Variants in ZBTB2 observed in about 807,000 individuals in gnomAD.
ZBTB2 encodes zinc finger and BTB domain-containing protein 2.
A neutral mutation model predicts 39.5 loss-of-function variants in ZBTB2; 2 were observed. The observed-to-expected ratio is 0.05, with a 90% CI of 0.02 to 0.16. The LOEUF (loss-of-function observed/expected upper bound fraction) is 0.16, where lower values mean the gene tolerates loss of function less well. Ranked by LOEUF, ZBTB2 falls within the 10% of genes least tolerant of loss-of-function variation. ZBTB2 has a pLI of 1.00. For missense variants in ZBTB2, 391 were observed against 653.0 expected (o/e 0.60, Z 4.37); for synonymous variants, 251 against 256.6 (o/e 0.98, Z 0.21).
chr6:151,370,885 T>C (rs2114856900), intron 2 of ZBTB2, among the ~76,000 whole-genome samples: 1 of 152,352 alleles, frequency 6.6e-6, no homozygotes, highest in Non-Finnish European at 1.5e-5. Flanking sequence ...GGTGCAGTAA[T>C]ACACCTGTTG....
intron 2 of ZBTB2, among the ~76,000 whole-genome samples, chr6:151,370,474 T>C (rs745630008): frequency 1.3e-5 from 2 of 152,238 alleles, no homozygotes; most frequent in Non-Finnish European, 2.9e-5. Flanking sequence ...TTAAAAGAAA[T>C]GATAGGCTTA....
intron 1 of ZBTB2, among the ~76,000 whole-genome samples, chr6:151,385,736 T>A (rs1779136125): frequency 6.6e-6 from 1 of 152,212 alleles, no homozygotes; most frequent in Non-Finnish European, 1.5e-5. Context: ...TTCTTTCAAG[T>A]AGTTTAGACC....
chr6:151,373,377 T>TAGAG (rs1244821525), intron 2 of ZBTB2, 88 bp downstream of exon 2: 1 of 1,460,058 alleles, frequency 6.8e-7, no homozygotes, highest in African/African-American at 1.4e-5. Context: ...CTAGGAGACG[T>TAGAG]AGAGAGACCC....
At chr6:151,388,534 T>C (rs1161694895) in intron 1 of ZBTB2, among the ~76,000 whole-genome samples, 1 of 152,170 alleles carries the variant, frequency 6.6e-6, no homozygotes, top group African/African-American at 2.4e-5. Context: ...GTGAATACAT[T>C]TTCTTTTCTT....
At chr6:151,380,670 G>A (rs542377410) in intron 1 of ZBTB2, among the ~76,000 whole-genome samples, 24 of 152,154 alleles carry the variant, frequency 1.6e-4, no homozygotes, top group African/African-American at 3.1e-4. Flanking sequence ...TCTTCCTCCC[G>A]CTCTGATAAA....
At chr6:151,373,784 C>G in intron 1 of ZBTB2, 135 bp from the exon 2 acceptor site, 1 of 469,070 alleles carries the variant, frequency 2.1e-6, no homozygotes, top group South Asian at 2.2e-5. Context: ...AAACGTTACA[C>G]AGATTAACTC....
intron 1 of ZBTB2, among the ~76,000 whole-genome samples, chr6:151,376,840 G>C (rs999612789): frequency 6.6e-6 from 1 of 152,264 alleles, no homozygotes; most frequent in South Asian, 2.1e-4. Flanking sequence ...CTGCACTCCT[G>C]GACGTTTATC....
chr6:151,375,105 G>A (rs1287594838), intron 1 of ZBTB2, among the ~76,000 whole-genome samples: 1 of 151,962 alleles, frequency 6.6e-6, no homozygotes, highest in Non-Finnish European at 1.5e-5. Context: ...GGGTGACACA[G>A]CGAGACTCCA....
At chr6:151,391,011 C>G (rs1308211568) in intron 1 of ZBTB2, among the ~76,000 whole-genome samples, 1 of 143,378 alleles carries the variant, frequency 7.0e-6, no homozygotes, top group Non-Finnish European at 1.5e-5. Flanking sequence ...CCCCCCTCCC[C>G]TTCCTCCCTC....
chr6:151,386,318 G>A (rs1002610132), intron 1 of ZBTB2, among the ~76,000 whole-genome samples: 29 of 152,190 alleles, frequency 1.9e-4, no homozygotes, highest in African/African-American at 5.1e-4. Flanking sequence ...GCCAAGGCGG[G>A]CAGATCACTT....
intron 1 of ZBTB2, among the ~76,000 whole-genome samples, chr6:151,379,570 G>A (rs1173505315): frequency 2.0e-5 from 3 of 150,062 alleles, no homozygotes; most frequent in African/African-American, 4.9e-5. Context: ...TGAGCCCAGA[G>A]GGTTGAGGCT....
At chr6:151,381,065 C>T (rs1010609806) in intron 1 of ZBTB2, among the ~76,000 whole-genome samples, 2 of 152,176 alleles carry the variant, frequency 1.3e-5, no homozygotes, top group Non-Finnish European at 2.9e-5. Flanking sequence ...CTCCTCACAT[C>T]AGCCCCCAAT....
In ZBTB2 at chr6:151,366,330, T is replaced by C; in HGVS notation, c.736A>G (p.Arg246Gly). The part of the protein sequence containing the change: ...IAHVKPSIMK[R>G]NGSFPKYYAC... ...TAGTACTTTGGAAAGCTCCCATTCCTCTTCATGATGCTTGGCTTGACGTGG... is the reference window on the plus strand; with the variant it reads ...TAGTACTTTGGAAAGCTCCCATTCCCCTTCATGATGCTTGGCTTGACGTGG... The change falls in exon 3 of 3, where the codon AGG (arginine) becomes GGG (glycine). Residue 246 changes from arginine (R) to glycine (G), a missense_variant. Around this residue, in one of 7 missense-constraint regions of ZBTB2, gnomAD observed 175 missense variants for 198.6 expected, o/e 0.88. Transcript: ENST00000325144. The surrounding 1 kb of genome is among the most constrained non-coding windows in gnomAD (Gnocchi z 7.1). The C allele has an allele frequency of 6.2e-7, 1 of 1,614,128 alleles. No homozygotes were observed. The highest frequency in any genetic ancestry group is 8.5e-7 in the Non-Finnish European group (1 of 1,180,020).
Position 151,366,755 on chromosome 6 carries a change from G to A in ZBTB2, c.311C>T (p.Ala104Val). 1 of 1,614,136 alleles carries A rather than the reference G, an allele frequency of 6.2e-7. No homozygotes were observed. The highest frequency in any genetic ancestry group is 8.5e-7 in the Non-Finnish European group (1 of 1,180,026). Residue 104 changes from alanine to valine, a missense_variant, in exon 3 of 3, where the codon GCC (alanine) becomes GTC (valine). Physicochemically the swap from Ala to Val is moderately conservative, Grantham distance 64 (BLOSUM62 0). Coordinates refer to ENST00000325144, the MANE Select transcript of ZBTB2 (RefSeq NM_020861.3). The surrounding 1 kb of genome is among the most constrained non-coding windows in gnomAD (Gnocchi z 7.1). ...GCTGGCTTCCTGAATGAGCGGGTAG[G>A]CGTGCAGAAACTTGATGCCCTGTTC... Reference protein sequence around the residue: ...RLEQGIKFLHAYPLIQEASLA... With the variant: ...RLEQGIKFLHVYPLIQEASLA...
chr6:151,382,927 A>ATT (rs202174921), intron 1 of ZBTB2, among the ~76,000 whole-genome samples: 5 of 141,694 alleles, frequency 3.5e-5, no homozygotes, highest in Non-Finnish European at 4.7e-5. Flanking sequence ...GTTGTATCTA[A>ATT]TTTTTTTTTT....
At chr6:151,383,669 G>C (rs1236281930) in intron 1 of ZBTB2, among the ~76,000 whole-genome samples, 1 of 151,996 alleles carries the variant, frequency 6.6e-6, no homozygotes, top group Non-Finnish European at 1.5e-5. Context: ...TAGGGGAGAG[G>C]GGTCCCATCT....
intron 1 of ZBTB2, among the ~76,000 whole-genome samples, chr6:151,390,720 G>A (rs1436468547): frequency 1.3e-5 from 2 of 151,898 alleles, no homozygotes; most frequent in Non-Finnish European, 1.5e-5. Context: ...AGAAGCGCCA[G>A]AGAGGCCGGG....
At chr6:151,379,218 T>A (rs1778980625) in intron 1 of ZBTB2, among the ~76,000 whole-genome samples, 1 of 152,232 alleles carries the variant, frequency 6.6e-6, no homozygotes, top group African/African-American at 2.4e-5. Context: ...CAATATGGCT[T>A]TTTTACTTTG....
In ZBTB2 at chr6:151,365,049, C is replaced by CA. The variant is rs1778613175; in HGVS notation, c.*471_*472insT. ...ACACCTGGAGGATGAATACTAAGAA[C>CA]GTTTTCTTGGGTTTAAAGTTTCCCC... On this transcript the variant is annotated 3_prime_UTR_variant, in exon 3 of 3. Coordinates refer to ENST00000325144, the MANE Select transcript of ZBTB2 (RefSeq NM_020861.3). This position sits in a 1 kb window ranked among gnomAD's most constrained non-coding sequence, Gnocchi z 5.6. 1 of 154,876 alleles carries CA rather than the reference C, an allele frequency of 6.5e-6. No individual in the cohort carries two copies. The highest frequency in any genetic ancestry group is 1.4e-5 in the Non-Finnish European group (1 of 69,580). The allele number at this position is 154,876 out of a possible 1,614,324, so 9.6% of individuals were successfully genotyped here.
Sources: gnomAD v4.1 joint callset for allele counts (sites outside exome capture counted in the v4.1 genomes callset) on GRCh38, gnomAD v4.1.1 for gene constraint, gnomAD v4.1.1 regional missense constraint, Gnocchi (gnomAD v3.1) non-coding constraint, MANE v1.5 for transcripts, NCBI Gene and HGNC (gene_info 2026-07-23, HGNC 2026-07-21) for gene names.